The following CDKAL1 variants were observed in gnomAD, a reference collection of about 807,000 sequenced individuals.
The protein encoded by CDKAL1 is CDKAL1 threonylcarbamoyladenosine tRNA methylthiotransferase.
CDKAL1 carries 32 observed loss-of-function variants against 68.2 expected under a neutral mutation model. The observed-to-expected ratio is 0.47, with a 90% CI of 0.35 to 0.63. The LOEUF (loss-of-function observed/expected upper bound fraction) is 0.63, where lower values mean the gene tolerates loss of function less well. Among genes scored for constraint, CDKAL1 ranks in the 30% least tolerant of loss-of-function variants. The pLI, the probability that CDKAL1 is intolerant of heterozygous loss-of-function variation, is 0.00. For synonymous variants in CDKAL1, 234 were observed against 244.3 expected (o/e 0.96, Z 0.39); for missense variants, 606 against 696.7 (o/e 0.87, Z 1.47).
chr6:20,698,996 G>T (rs1014158966), intron 5 of CDKAL1, among the ~76,000 whole-genome samples: 5 of 152,112 alleles, frequency 3.3e-5, no homozygotes, highest in African/African-American at 1.2e-4. Context: ...ACAATGATAA[G>T]TTTTAAAAAC....
chr6:20,928,128 C>T (rs941456920), intron 9 of CDKAL1, among the ~76,000 whole-genome samples: 1 of 152,170 alleles, frequency 6.6e-6, no homozygotes, highest in Non-Finnish European at 1.5e-5. Context: ...GTACTTAAGA[C>T]ACTTGCCAAT....
intron 4 of CDKAL1, among the ~76,000 whole-genome samples, chr6:20,636,772 C>T (rs1041772170): frequency 1.3e-5 from 2 of 152,046 alleles, no homozygotes; most frequent in African/African-American, 4.8e-5. Context: ...GTGAAGTGGC[C>T]CATGCCTGTA....
intron 4 of CDKAL1, among the ~76,000 whole-genome samples, chr6:20,607,691 T>C (rs1375663133): frequency 6.6e-6 from 1 of 152,072 alleles, no homozygotes; most frequent in African/African-American, 2.4e-5. Flanking sequence ...ATAGCTTTTT[T>C]CTTTTTTCTT....
At chr6:20,653,739 C>G (rs567237926) in intron 5 of CDKAL1, among the ~76,000 whole-genome samples, 2 of 152,092 alleles carry the variant, frequency 1.3e-5, no homozygotes, top group Admixed American at 1.3e-4. Flanking sequence ...CTCAGCCTCT[C>G]GAGTAGGTGG....
intron 11 of CDKAL1, among the ~76,000 whole-genome samples, chr6:21,016,347 C>A (rs1768331871): frequency 6.6e-6 from 1 of 152,044 alleles, no homozygotes; most frequent in African/African-American, 2.4e-5. Context: ...CTTCACTCTT[C>A]CTCACTGCCC....
intron 12 of CDKAL1, among the ~76,000 whole-genome samples, chr6:21,073,296 G>GT (rs1419733690): frequency 6.6e-6 from 1 of 152,104 alleles, no homozygotes; most frequent in Non-Finnish European, 1.5e-5. Flanking sequence ...CCACGTGCAG[G>GT]TTTTTTTGTG....
chr6:20,822,119 A>G (rs1338239600), intron 8 of CDKAL1, among the ~76,000 whole-genome samples: 1 of 152,122 alleles, frequency 6.6e-6, no homozygotes, highest in Non-Finnish European at 1.5e-5. Flanking sequence ...AACCTGAAAT[A>G]TTTACTGTCT....
intron 9 of CDKAL1, among the ~76,000 whole-genome samples, chr6:20,866,013 T>G (rs7454011): frequency 0.86 from 130,340 of 152,138 alleles, 57,523 homozygotes; most frequent in East Asian, 0.99. Context: ...TGATTTTAAT[T>G]TTAGGCAATT....
chr6:21,160,656 C>CACACACGT (rs1554189726), intron 13 of CDKAL1, among the ~76,000 whole-genome samples: 15 of 127,998 alleles, frequency 1.2e-4, no homozygotes, highest in African/African-American at 4.3e-4. Context: ...CACACACACA[C>CACACACGT]GTGTGTGTGT....
intron 4 of CDKAL1, chr6:20,558,652 A>G: frequency 2.2e-6 from 1 of 454,110 alleles, no homozygotes; most frequent in Non-Finnish European, 4.4e-6. Context: ...TTTGTTCATC[A>G]CACCACATTT....
intron 4 of CDKAL1, among the ~76,000 whole-genome samples, chr6:20,586,193 A>T (rs181668311): frequency 1.3e-5 from 2 of 152,284 alleles, no homozygotes; most frequent in Admixed American, 1.3e-4. Flanking sequence ...TCTTGCCTGG[A>T]TTATAATAGT....
chr6:20,622,988 A>G (rs779898656), intron 4 of CDKAL1, among the ~76,000 whole-genome samples: 13 of 152,084 alleles, frequency 8.5e-5, no homozygotes, highest in South Asian at 4.1e-4. Context: ...GCTTTTTTCA[A>G]TAAAGTATTT....
intron 8 of CDKAL1, among the ~76,000 whole-genome samples, chr6:20,818,599 G>A (rs1777145171): frequency 6.6e-6 from 1 of 151,870 alleles, no homozygotes; most frequent in Non-Finnish European, 1.5e-5. Context: ...TAGTTGCCCA[G>A]TTGGGACATA....
intron 5 of CDKAL1, among the ~76,000 whole-genome samples, chr6:20,735,984 A>C (rs990353802): frequency 6.6e-6 from 1 of 152,202 alleles, no homozygotes. Context: ...TTTGAAATCT[A>C]TCCTCACTTA....
chr6:20,748,555 G>GGAAAAAAAA (rs1773766913), intron 6 of CDKAL1, among the ~76,000 whole-genome samples: 3 of 28,768 alleles, frequency 1.0e-4, no homozygotes, highest in African/African-American at 3.5e-4. Context: ...TCTGTTTCTG[G>GGAAAAAAAA]AAAAAAAAAA....
intron 4 of CDKAL1, among the ~76,000 whole-genome samples, chr6:20,586,164 GT>G (rs1351273221): frequency 2.0e-5 from 3 of 152,130 alleles, no homozygotes; most frequent in African/African-American, 7.2e-5. Flanking sequence ...GGCTACCACT[GT>G]GGTCTAAGCC....
intron 4 of CDKAL1, among the ~76,000 whole-genome samples, chr6:20,599,557 CA>C (rs962792055): frequency 6.6e-6 from 1 of 152,114 alleles, no homozygotes; most frequent in Admixed American, 6.6e-5. Context: ...GGAGTTTTGG[CA>C]AAATTTGCAT....
intron 12 of CDKAL1, among the ~76,000 whole-genome samples, chr6:21,073,752 A>C (rs1252459592): frequency 6.6e-6 from 1 of 152,122 alleles, no homozygotes; most frequent in Non-Finnish European, 1.5e-5. Flanking sequence ...GTAACAATTC[A>C]TTATTAGATG....
At chr6:21,134,269 C>T (rs1775470471) in intron 13 of CDKAL1, among the ~76,000 whole-genome samples, 2 of 152,126 alleles carry the variant, frequency 1.3e-5, no homozygotes, top group Non-Finnish European at 2.9e-5. Context: ...GGACCTTTTC[C>T]ATTTAAGAGA....
Sources: gnomAD v4.1 joint callset for allele counts (sites outside exome capture counted in the v4.1 genomes callset) on GRCh38, gnomAD v4.1.1 for gene constraint, MANE v1.5 for transcripts, NCBI Gene and HGNC (gene_info 2026-07-23, HGNC 2026-07-21) for gene names.